Variants in NUDT5 observed in about 807,000 individuals in gnomAD.
The protein encoded by NUDT5 is ADP-sugar pyrophosphatase.
Under a neutral mutation model 34.1 loss-of-function variants are expected in NUDT5, and 21 were observed. The ratio of observed to expected loss-of-function variants is 0.62; its 90% CI spans 0.44 to 0.89. The LOEUF (loss-of-function observed/expected upper bound fraction) is 0.89, where lower values mean the gene tolerates loss of function less well. NUDT5 is among the 40% of genes least tolerant of loss of function. The pLI is 0.00. For missense variants in NUDT5, 249 were observed against 274.8 expected (o/e 0.91, Z 0.66); for synonymous variants, 85 against 97.6 (o/e 0.87, Z 0.76).
Position 12,187,139 on chromosome 10 carries a change from C to T in NUDT5, c.-41-807G>A, listed in dbSNP as rs1007953281. Among the ~76,000 whole-genome samples, 3 of 152,170 alleles carry T rather than the reference C, an allele frequency of 2.0e-5. No individual in the cohort carries two copies. Among genetic ancestry groups the T allele is most frequent in the African/African-American group, 7.2e-5 (3 of 41,436 alleles). ...CCTCTACCTCCCAAGCTCACGTGCT[C>T]CTCGCATCTCAGCCTCCTGAGTAGC... On this transcript the variant is annotated intron_variant, in intron 1 of 9. Coordinates refer to ENST00000491614, the MANE Select transcript of NUDT5 (RefSeq NM_014142.4). This position sits in a 1 kb window ranked among gnomAD's most constrained non-coding sequence, Gnocchi z 5.4.
In NUDT5 at chr10:12,169,075, TTAAAA is replaced by T. The variant is rs1834786351; in HGVS notation, c.551-1269_551-1265del. ...ACCGCACCCGGCCAGCAAACTGATC[TTAAAA>T]TGTAATACTTTCCTTCCGACTTCTC... On this transcript the variant is annotated intron_variant, in intron 9 of 9. Transcript: ENST00000491614. The surrounding 1 kb of genome is among the most constrained non-coding windows in gnomAD (Gnocchi z 4.8). 1.3e-5 allele frequency among the ~76,000 whole-genome samples: 2 copies of T among 152,216 alleles called. No individual in the cohort carries two copies. Among genetic ancestry groups the T allele is most frequent in the Admixed American group, 1.3e-4 (2 of 15,280 alleles).
In NUDT5 at chr10:12,173,768, T is replaced by G. The variant is rs1444534423; in HGVS notation, c.335A>C (p.Glu112Ala). ...TTTGTAGCCAGTTTCTTCTTCAAGC[T>G]CCCGGAGAGCAGCTGCTTCTGGGGT... ...GETPEAAALRELEEETGYKGD... is the reference protein window; with the variant it reads ...GETPEAAALRALEEETGYKGD... Residue 112 changes from glutamate (E) to alanine (A), a missense_variant, in exon 6 of 10, where the codon GAG becomes GCG. Coordinates refer to ENST00000491614, the MANE Select transcript of NUDT5 (RefSeq NM_014142.4). The surrounding 1 kb of genome is among the most constrained non-coding windows in gnomAD (Gnocchi z 4.7). The G allele has an allele frequency of 6.2e-7, 1 of 1,614,046 alleles. No homozygotes were observed. The highest frequency in any genetic ancestry group is 1.7e-5 in the Admixed American group (1 of 60,020).
At chr10:12,184,434 G>A in intron 3 of NUDT5, 1 of 1,467,068 alleles carries the variant, frequency 6.8e-7, no homozygotes, top group Non-Finnish European at 9.3e-7. Flanking sequence ...CACATATTAT[G>A]AAATAGGGTG....
rs1835046753 is a variant in NUDT5, at chr10:12,181,821, A to G, written c.132-2689T>C. ...TAGTGAGACTCTGTCTCTACTAAAA[A>G]AATAAAAATTAAATAAATTTAAAAA... is the stretch of plus-strand genomic sequence containing the variant. On this transcript the variant is annotated intron_variant, in intron 3 of 9. Coordinates refer to ENST00000491614, the MANE Select transcript of NUDT5 (RefSeq NM_014142.4). The surrounding 1 kb of genome is among the most constrained non-coding windows in gnomAD (Gnocchi z 5.0). Among the ~76,000 whole-genome samples, 1 of 152,016 alleles carries G rather than the reference A, an allele frequency of 6.6e-6. No homozygotes were observed. The highest frequency in any genetic ancestry group is 1.5e-5 in the Non-Finnish European group (1 of 68,012).
At chr10:12,178,093 T>C (rs1456547945) in intron 4 of NUDT5, among the ~76,000 whole-genome samples, 193 bp from the exon 5 acceptor site, 1 of 152,044 alleles carries the variant, frequency 6.6e-6, no homozygotes, top group African/African-American at 2.4e-5. Flanking sequence ...TTACACTTTC[T>C]TTTTTAAACA....
chr10:12,170,187 T>A lies in NUDT5; in HGVS notation c.550+530A>T, dbSNP rs11257577. ...AGATGGGTGGCCAAGAATTATACAA[T>A]GCATCTACATGACCAGTGATTTCTA... On this transcript the variant is annotated intron_variant, in intron 9 of 9. Transcript: ENST00000491614. The surrounding 1 kb of genome is among the most constrained non-coding windows in gnomAD (Gnocchi z 4.9). 0.5 allele frequency: 810,106 copies of A among 1,611,294 alleles called. 205,778 individuals are homozygous for A. Among genetic ancestry groups the A allele is most frequent in the South Asian group, 0.63 (57,696 of 91,036 alleles).
chr10:12,178,233 A>ACT, intron 4 of NUDT5, among the ~76,000 whole-genome samples: 1 of 152,216 alleles, frequency 6.6e-6, no homozygotes, highest in Non-Finnish European at 1.5e-5. Context: ...AGCGTGTGGC[A>ACT]GCCCTACCAC....
Position 12,171,687 on chromosome 10 carries a change from TTTTATTTATTTA to T in NUDT5, c.488-791_488-780del, listed in dbSNP as rs200279977. Among the ~76,000 whole-genome samples, 747 of 140,032 alleles carry T rather than the reference TTTTATTTATTTA, an allele frequency of 5.3e-3. 6 individuals carry two copies. The highest frequency in any genetic ancestry group is 5.2e-3 in the African/African-American group (199 of 38,080). The allele number at this position is 140,032 out of a possible 152,430, so 91.9% of individuals were successfully genotyped here. A position where few individuals can be genotyped will look rare whatever the true frequency, so the allele number is the denominator to read the frequency against. Reference sequence around the variant, plus strand: ...TGTGCAGTTCAAAAATTAAGATTTATTTTATTTATTTATTTATTTATTTATTTATTTATTTAT... The same window carrying T: ...TGTGCAGTTCAAAAATTAAGATTTATTTTATTTATTTATTTATTTATTTAT... On this transcript the variant is annotated intron_variant, in intron 7 of 9. Transcript: ENST00000491614. This position sits in a 1 kb window ranked among gnomAD's most constrained non-coding sequence, Gnocchi z 4.2.
chr10:12,172,720 C>T (rs753973038), intron 7 of NUDT5, 45 bp downstream of exon 7: 42 of 1,327,538 alleles, frequency 3.2e-5, no homozygotes, highest in East Asian at 4.6e-5. Context: ...TTCCAAGACA[C>T]GTAATGCAAC....
intron 1 of NUDT5, among the ~76,000 whole-genome samples, chr10:12,191,116 G>A (rs1001922324): frequency 4.6e-5 from 7 of 152,122 alleles, no homozygotes; most frequent in Non-Finnish European, 8.8e-5. Flanking sequence ...GGGCACAGTG[G>A]CTCATGCCTA....
chr10:12,181,134 C>T lies in NUDT5; in HGVS notation c.132-2002G>A, dbSNP rs867340382. Reference sequence around the variant, plus strand: ...ATTTAGGAAAAAAATTGCATCTATACTGAACAGGTCCACACTTTTTCTTGC... The same window carrying T: ...ATTTAGGAAAAAAATTGCATCTATATTGAACAGGTCCACACTTTTTCTTGC... On this transcript the variant is annotated intron_variant, in intron 3 of 9. Transcript: ENST00000491614. This position sits in a 1 kb window ranked among gnomAD's most constrained non-coding sequence, Gnocchi z 5.0. 2.0e-5 allele frequency among the ~76,000 whole-genome samples: 3 copies of T among 152,282 alleles called. No individual in the cohort carries two copies. The Middle Eastern group carries it at 0.01, about 518-fold the overall frequency.
intron 5 of NUDT5, among the ~76,000 whole-genome samples, chr10:12,177,326 T>C (rs1834967183): frequency 6.6e-6 from 1 of 152,050 alleles, no homozygotes; most frequent in Non-Finnish European, 1.5e-5. Context: ...GAGACCATCC[T>C]GGCCAACACG....
rs1479283585 is a variant in NUDT5, at chr10:12,169,620, G to C, written c.550+1097C>G. On this transcript the variant is annotated intron_variant, in intron 9 of 9. Transcript: ENST00000491614. This position sits in a 1 kb window ranked among gnomAD's most constrained non-coding sequence, Gnocchi z 4.8. ...TCTAACTCTGGCTTTGAGCTGTCGAGGTGGCTTCTACCTTAGGTCTAGTTT... is the reference window on the plus strand; with the variant it reads ...TCTAACTCTGGCTTTGAGCTGTCGACGTGGCTTCTACCTTAGGTCTAGTTT... The C allele has an allele frequency of 7.2e-6, 2 of 276,032 alleles. No individual in the cohort carries two copies. The highest frequency in any genetic ancestry group is 5.1e-5 in the Admixed American group (1 of 19,534). 17.1% of individuals were successfully genotyped at this position (276,032 alleles called of 1,614,324 possible). A position where few individuals can be genotyped will look rare whatever the true frequency, so the allele number is the denominator to read the frequency against.
In NUDT5 at chr10:12,173,604, T is replaced by C; in HGVS notation, c.385+114A>G. 2.3e-6 allele frequency: 2 copies of C among 862,122 alleles called. No homozygotes were observed. The highest frequency in any genetic ancestry group is 1.8e-5 in the Admixed American group (1 of 56,636). 53.4% of individuals were successfully genotyped at this position (862,122 alleles called of 1,614,324 possible). A position where few individuals can be genotyped will look rare whatever the true frequency, so the allele number is the denominator to read the frequency against. On this transcript the variant is annotated intron_variant, in intron 6 of 9. Coordinates refer to ENST00000491614, the MANE Select transcript of NUDT5 (RefSeq NM_014142.4). The surrounding 1 kb of genome is among the most constrained non-coding windows in gnomAD (Gnocchi z 4.7). Reference sequence around the variant, plus strand: ...TTCCCTTACACTTGGTGACCAGTCCTAATCTGTGATTTCTTTCTCTTCAGT... The same window carrying C: ...TTCCCTTACACTTGGTGACCAGTCCCAATCTGTGATTTCTTTCTCTTCAGT...
chr10:12,190,658 G>T (rs1204192725), intron 1 of NUDT5, among the ~76,000 whole-genome samples: 1 of 149,696 alleles, frequency 6.7e-6, no homozygotes, highest in Non-Finnish European at 1.5e-5. Flanking sequence ...ACCCAGGCTG[G>T]AGTGCAATGG....
chr10:12,171,031 T>G lies in NUDT5; in HGVS notation c.488-123A>C. 3.1e-6 allele frequency: 3 copies of G among 972,012 alleles called. No individual in the cohort carries two copies. Among genetic ancestry groups the G allele is most frequent in the Non-Finnish European group, 4.7e-6 (3 of 641,184 alleles). The allele number at this position is 972,012 out of a possible 1,614,324, so 60.2% of individuals were successfully genotyped here. ...ACAGAAGCCTGGGTTTCTGCTAACTTAATTTATATACATTGTCAAACTCGA... is the reference window on the plus strand; with the variant it reads ...ACAGAAGCCTGGGTTTCTGCTAACTGAATTTATATACATTGTCAAACTCGA... On this transcript the variant is annotated intron_variant, in intron 7 of 9. Transcript: ENST00000491614. The surrounding 1 kb of genome is among the most constrained non-coding windows in gnomAD (Gnocchi z 4.2).
chr10:12,190,140 C>T (rs375375177), intron 1 of NUDT5, among the ~76,000 whole-genome samples: 29 of 152,302 alleles, frequency 1.9e-4, no homozygotes, highest in African/African-American at 7.0e-4. Flanking sequence ...CCACCCGCCT[C>T]GGCCTGCCAA....
rs1388075186 is a variant in NUDT5, at chr10:12,169,414, T to C, written c.550+1303A>G. On this transcript the variant is annotated intron_variant, in intron 9 of 9. Transcript: ENST00000491614. The surrounding 1 kb of genome is among the most constrained non-coding windows in gnomAD (Gnocchi z 4.8). ...CAGAGGGAGGGGCTGTTATTGTTCC[T>C]GTTTTATGAAAAAAGCCGAGAGAGG... 3 of 920,804 alleles carry C rather than the reference T, an allele frequency of 3.3e-6. No individual in the cohort carries two copies. Among genetic ancestry groups the C allele is most frequent in the East Asian group, 5.6e-5 (2 of 35,754 alleles). The allele number at this position is 920,804 out of a possible 1,614,324, so 57.0% of individuals were successfully genotyped here.
chr10:12,172,734 A>T (rs998823107), intron 7 of NUDT5, 31 bp downstream of exon 7: 1 of 1,492,788 alleles, frequency 6.7e-7, no homozygotes, highest in Non-Finnish European at 9.4e-7. Context: ...ATGCAACCAC[A>T]CCACCTTCAT....
Sources: gnomAD v4.1 joint callset for allele counts (sites outside exome capture counted in the v4.1 genomes callset) on GRCh38, gnomAD v4.1.1 for gene constraint, Gnocchi (gnomAD v3.1) non-coding constraint, MANE v1.5 for transcripts, NCBI Gene and HGNC (gene_info 2026-07-23, HGNC 2026-07-21) for gene names.